NTRK3: variants seen among roughly 807,000 people sequenced by gnomAD.
NTRK3 encodes the protein neurotrophic receptor tyrosine kinase 3, also known as NT-3 growth factor receptor.
A neutral mutation model predicts 91.7 loss-of-function variants in NTRK3; 24 were observed. The ratio of observed to expected loss-of-function variants is 0.26; its 90% confidence interval spans 0.19 to 0.37. The LOEUF (loss-of-function observed/expected upper bound fraction) is 0.37, where lower values mean the gene tolerates loss of function less well. Among genes scored for constraint, NTRK3 ranks in the 10% least tolerant of loss-of-function variants. The pLI, the probability that NTRK3 is intolerant of heterozygous loss-of-function variation, is 1.00. For missense variants in NTRK3, 880 were observed against 1,068.9 expected (o/e 0.82, Z 2.46); for synonymous variants, 483 against 404.0 (o/e 1.20, Z -2.34).
chr15:88,111,889 T>C (rs1306648715), intron 13 of NTRK3, among the ~76,000 whole-genome samples: 1 of 96,998 alleles, frequency 1.0e-5, no homozygotes, highest in Non-Finnish European at 2.1e-5. Flanking sequence ...TTCTGGTTTC[T>C]GGTTTTTTTT....
chr15:88,182,650 C>T (rs367581560), intron 5 of NTRK3, among the ~76,000 whole-genome samples: 3 of 152,168 alleles, frequency 2.0e-5, no homozygotes, highest in Non-Finnish European at 2.9e-5. Context: ...CAACAAATAC[C>T]CCTCTACAGG....
At chr15:87,863,814 C>T (rs1210932961) in exon 19 of NTRK3, 2 of 231,592 alleles carry the variant, frequency 8.6e-6, no homozygotes, top group Non-Finnish European at 1.7e-5. Flanking sequence ...TTGGGTAAAA[C>T]TTTGCCATGA....
At chr15:88,078,414 G>A (rs577719646) in intron 13 of NTRK3, among the ~76,000 whole-genome samples, 66 of 152,278 alleles carry the variant, frequency 4.3e-4, no homozygotes, top group African/African-American at 1.4e-3. Flanking sequence ...CCGGCACTTC[G>A]GGAGGCCTAG....
chr15:88,007,759 A>G (rs1391207743), intron 14 of NTRK3, among the ~76,000 whole-genome samples: 1 of 152,140 alleles, frequency 6.6e-6, no homozygotes, highest in Non-Finnish European at 1.5e-5. Context: ...CTGAGTTCTA[A>G]TTCTTCCTGT....
intron 14 of NTRK3, among the ~76,000 whole-genome samples, chr15:88,030,823 T>C (rs1287441139): frequency 6.6e-6 from 1 of 152,222 alleles, no homozygotes; most frequent in African/African-American, 2.4e-5. Context: ...CTGTCATATT[T>C]ATCATGTACA....
At chr15:87,958,751 G>A (rs1243055292) in intron 14 of NTRK3, among the ~76,000 whole-genome samples, 2 of 151,946 alleles carry the variant, frequency 1.3e-5, no homozygotes. Context: ...TCTCACCTGG[G>A]CAGGGGTCTC....
intron 13 of NTRK3, among the ~76,000 whole-genome samples, chr15:88,044,004 G>A (rs2079903381): frequency 6.6e-6 from 1 of 152,262 alleles, no homozygotes; most frequent in East Asian, 1.9e-4. Flanking sequence ...CCCCAGAAAA[G>A]TCAGAGTGAT....
In NTRK3 at chr15:88,255,270, G is replaced by A. The variant is rs901408295; in HGVS notation, c.248+636C>T. 1.3e-5 allele frequency among the ~76,000 whole-genome samples: 2 copies of A among 152,190 alleles called. No homozygotes were observed. The highest frequency in any genetic ancestry group is 4.8e-5 in the African/African-American group (2 of 41,446). On this transcript the variant is annotated intron_variant, in intron 3 of 18. Transcript: ENST00000394480. This position sits in a 1 kb window ranked among gnomAD's most constrained non-coding sequence, Gnocchi z 4.3. ...GGGTGTCTCGGAAATGCCCAAAATG[G>A]GGCTGGAGAGGGCGGGCTGCAGGAG...
At chr15:87,873,372 A>G (rs2064873070) in exon 19 of NTRK3, 1 of 229,148 alleles carries the variant, frequency 4.4e-6, no homozygotes, top group East Asian at 6.2e-5. Flanking sequence ...TAGAGGGCAG[A>G]GTTAGGTTCA....
chr15:88,153,611 G>A (rs2043606853), intron 5 of NTRK3, among the ~76,000 whole-genome samples: 1 of 151,952 alleles, frequency 6.6e-6, no homozygotes, highest in African/African-American at 2.4e-5. Flanking sequence ...ATCCATTCAT[G>A]GTGCTATAAC....
At chr15:88,209,018 G>A (rs890050633) in intron 3 of NTRK3, among the ~76,000 whole-genome samples, 3 of 152,166 alleles carry the variant, frequency 2.0e-5, no homozygotes, top group Non-Finnish European at 4.4e-5. Context: ...CAAACTTGAA[G>A]ACTAATAAGG....
intron 6 of NTRK3, among the ~76,000 whole-genome samples, chr15:88,144,391 A>T (rs755442526): frequency 6.6e-6 from 1 of 152,120 alleles, no homozygotes; most frequent in Non-Finnish European, 1.5e-5. Context: ...ACAAAAATAA[A>T]TGAGAGAAAG....
intron 3 of NTRK3, among the ~76,000 whole-genome samples, 191 bp from the exon 4 acceptor site, chr15:88,184,490 G>A (rs532264202): frequency 2.4e-4 from 37 of 152,210 alleles, no homozygotes; most frequent in Non-Finnish European, 4.4e-4. Flanking sequence ...GCCTGATTGG[G>A]TTGTTGCAAG....
exon 14 of NTRK3, chr15:88,032,934 A>G (rs2078685778): frequency 6.2e-7 from 1 of 1,613,534 alleles, no homozygotes. Flanking sequence ...AGTCATGCCA[A>G]TGACCACAGT....
At chr15:87,957,730 C>G (rs571901590) in intron 14 of NTRK3, among the ~76,000 whole-genome samples, 5 of 152,242 alleles carry the variant, frequency 3.3e-5, no homozygotes, top group African/African-American at 4.8e-5. Context: ...ACTGCTGCCT[C>G]TGCTTCTCAG....
intron 17 of NTRK3, among the ~76,000 whole-genome samples, chr15:87,905,561 T>A (rs2066716676): frequency 6.6e-6 from 1 of 152,166 alleles, no homozygotes; most frequent in South Asian, 2.1e-4. Context: ...TCCAGAGACA[T>A]CCTGTTTCTT....
intron 14 of NTRK3, among the ~76,000 whole-genome samples, chr15:87,974,128 A>G (rs917771223): frequency 3.3e-5 from 5 of 151,992 alleles, no homozygotes; most frequent in Non-Finnish European, 7.4e-5. Flanking sequence ...GACCTGAGGG[A>G]ACTGGGACGA....
chr15:87,874,856 G>A (rs180728944), exon 19 of NTRK3: 1 of 231,488 alleles, frequency 4.3e-6, no homozygotes, highest in Non-Finnish European at 8.5e-6. Context: ...CCTTGAGGTG[G>A]TCAATCCAAA....
chr15:88,136,579 T>C (rs2151211555), exon 8 of NTRK3: 1 of 1,613,476 alleles, frequency 6.2e-7, no homozygotes, highest in South Asian at 1.1e-5. Flanking sequence ...TACGGTCAGG[T>C]TGACGTGGCT....
Sources: allele counts gnomAD v4.1 joint callset (sites outside exome capture counted in the v4.1 genomes callset), GRCh38; gene constraint gnomAD v4.1.1; non-coding constraint Gnocchi (gnomAD v3.1); transcripts MANE v1.5; gene names NCBI Gene and HGNC (gene_info 2026-07-23, HGNC 2026-07-21).